The following OTOP1 variants were observed in gnomAD, a reference collection of about 807,000 sequenced individuals.
The protein encoded by OTOP1 is proton channel OTOP1.
Under a neutral mutation model 52.9 loss-of-function variants are expected in OTOP1, and 59 were observed. That is an observed-to-expected ratio of 1.12 (90% CI 0.91 to 1.39). The LOEUF (loss-of-function observed/expected upper bound fraction) is 1.39, where lower values mean the gene tolerates loss of function less well. Among genes scored for constraint, OTOP1 ranks in the 40% most tolerant of loss-of-function variants. The pLI is 0.00. For synonymous variants in OTOP1, 317 were observed against 337.7 expected (o/e 0.94, Z 0.67); for missense variants, 761 against 800.9 (o/e 0.95, Z 0.60).
Position 4,198,093 on chromosome 4 carries a change from G to A in OTOP1, c.741C>T (p.Asp247=), listed in dbSNP as rs764876594. 1 of 1,612,746 alleles carries A rather than the reference G, an allele frequency of 6.2e-7. No individual in the cohort carries two copies. The highest frequency in any genetic ancestry group is 1.1e-5 in the South Asian group (1 of 91,046). ...GFGNITTVLD[D]HTPQCNCTPP... Reference sequence around the variant, plus strand: ...GCGTGCAGTTACACTGCGGTGTGTGGTCATCTAAAACTAGGGGAGACAGGT... The same window carrying A: ...GCGTGCAGTTACACTGCGGTGTGTGATCATCTAAAACTAGGGGAGACAGGT... The change falls in exon 5 of 6, where the codon GAC becomes GAT. Residue 247 remains aspartate (D), a synonymous_variant. Coordinates refer to ENST00000296358, the MANE Select transcript of OTOP1 (RefSeq NM_177998.3).
chr4:4,189,128 A>G (rs546556513), intron 5 of OTOP1, among the ~76,000 whole-genome samples, 155 bp from the exon 6 acceptor site: 1 of 152,238 alleles, frequency 6.6e-6, no homozygotes, highest in Admixed American at 6.5e-5. Flanking sequence ...GGCATTTCCC[A>G]TCTCCACAGA....
chr4:4,197,916 G>A lies in OTOP1; in HGVS notation c.918C>T (p.Phe306=), dbSNP rs761831496. ...VDSHQHQKMQ[F]KSDGVMVGAV... is the part of the protein sequence containing the mutation. ...CGCCCACCATGACCCCATCAGACTT[G>A]AACTGCATCTTCTGGTGCTGATGGC... The change falls in exon 5 of 6, where the codon TTC becomes TTT. Residue 306 remains phenylalanine, a synonymous_variant. Transcript: ENST00000296358. The A allele has an allele frequency of 6.2e-7, 1 of 1,614,108 alleles. No individual in the cohort carries two copies. Among genetic ancestry groups the A allele is most frequent in the East Asian group, 2.2e-5 (1 of 44,878 alleles).
chr4:4,197,469 A>G lies in OTOP1; in HGVS notation c.1365T>C (p.Ser455=). 1 of 1,613,776 alleles carries G rather than the reference A, an allele frequency of 6.2e-7. No homozygotes were observed. The highest frequency in any genetic ancestry group is 8.5e-7 in the Non-Finnish European group (1 of 1,179,940). ...CCACCCGAAGGGTTTGGATGTCCTC[A>G]GAGAGTTTTTCAGGCTCTCGGTGAA... ...ESIHREPEKL[S]EDIQTLRVVT... is the part of the protein sequence containing the mutation. Residue 455 remains serine, a synonymous_variant, in exon 5 of 6, where the codon TCT becomes TCC. Coordinates refer to ENST00000296358, the MANE Select transcript of OTOP1 (RefSeq NM_177998.3).
intron 5 of OTOP1, among the ~76,000 whole-genome samples, chr4:4,193,762 G>A (rs942635031): frequency 1.4e-4 from 21 of 152,190 alleles, no homozygotes; most frequent in African/African-American, 5.1e-4. Flanking sequence ...ACCATCAGTT[G>A]CCACTTGATT....
chr4:4,197,712 T>A lies in OTOP1; in HGVS notation c.1122A>T (p.Ile374=), dbSNP rs1485216632. 6.2e-7 allele frequency: 1 copy of A among 1,613,752 alleles called. No individual in the cohort carries two copies. The highest frequency in any genetic ancestry group is 1.3e-5 in the African/African-American group (1 of 74,820). Residue 374 remains isoleucine, a synonymous_variant, in exon 5 of 6, where the codon ATA becomes ATT. Coordinates refer to ENST00000296358, the MANE Select transcript of OTOP1 (RefSeq NM_177998.3). ...TGGACTCATCCAGTGACTTCTCGTCTATCCTGTAAATCCGGATTCCAGCCA... is the reference window on the plus strand; with the variant it reads ...TGGACTCATCCAGTGACTTCTCGTCAATCCTGTAAATCCGGATTCCAGCCA... ...AGLAGIRIYR[I]DEKSLDESKN...
chr4:4,214,646 G>A (rs1244040996), intron 1 of OTOP1, among the ~76,000 whole-genome samples: 3 of 152,224 alleles, frequency 2.0e-5, no homozygotes, highest in Non-Finnish European at 2.9e-5. Flanking sequence ...TCTGACACAC[G>A]ATACAGTATG....
At chr4:4,199,289 G>C (rs1032896486) in intron 4 of OTOP1, among the ~76,000 whole-genome samples, 7 of 143,740 alleles carry the variant, frequency 4.9e-5, no homozygotes, top group Non-Finnish European at 1.1e-4. Context: ...ACAGCTCAAT[G>C]TCCAACAATT....
intron 4 of OTOP1, 141 bp from the exon 5 acceptor site, chr4:4,198,244 T>C: frequency 1.5e-6 from 1 of 677,054 alleles, no homozygotes; most frequent in Non-Finnish European, 2.5e-6. Flanking sequence ...CATAGCTTAT[T>C]ATCACGTTTA....
chr4:4,222,246 A>C (rs1717319236), intron 1 of OTOP1, among the ~76,000 whole-genome samples: 1 of 152,082 alleles, frequency 6.6e-6, no homozygotes, highest in Non-Finnish European at 1.5e-5. Context: ...GTGCTATGAG[A>C]CCATACAACC....
Position 4,204,325 on chromosome 4 carries a change from C to T in OTOP1, c.599+1747G>A, listed in dbSNP as rs1268063981. On this transcript the variant is annotated intron_variant, in intron 3 of 5. Transcript: ENST00000296358. ...TCATGGCCAGCCTTCCCCGAGGTGC[C>T]TGGGAAGCATTATATAGAGCCTTTG... Among the ~76,000 whole-genome samples the T allele has an allele frequency of 1.1e-4, 16 of 152,296 alleles. No homozygotes were observed. The East Asian group carries it at 2.9e-3, about 28-fold the overall frequency.
chr4:4,220,100 TATA>T (rs1179032679), intron 1 of OTOP1, among the ~76,000 whole-genome samples: 2,106 of 94,596 alleles, frequency 0.022, 112 homozygotes, highest in East Asian at 0.11. Context: ...TATATATATA[TATA>T]TATTTTTTTT....
intron 1 of OTOP1, among the ~76,000 whole-genome samples, chr4:4,223,749 A>C (rs191673121): frequency 4.1e-3 from 624 of 152,060 alleles, no homozygotes; most frequent in Non-Finnish European, 7.0e-3. Context: ...AAAAATACAA[A>C]AATTAGCTGG....
intron 1 of OTOP1, among the ~76,000 whole-genome samples, chr4:4,217,883 A>G (rs115296960): frequency 0.014 from 2,190 of 152,256 alleles, 55 homozygotes; most frequent in African/African-American, 0.05. Context: ...AATTATAGTG[A>G]CCAATCAACT....
chr4:4,197,661 C>G lies in OTOP1; in HGVS notation c.1173G>C (p.Ser391=). ...ESKNPARKLD[S]DLLVGTASGS... ...CCGAGGCAGTGCCCACCAAGAGGTC[C>G]GAGTCCAGTTTGCGGGCCGGATTTT... The change falls in exon 5 of 6, where the codon TCG becomes TCC. Residue 391 remains serine (S), a synonymous_variant. Coordinates refer to ENST00000296358, the MANE Select transcript of OTOP1 (RefSeq NM_177998.3). The G allele has an allele frequency of 6.2e-7, 1 of 1,613,590 alleles. No individual in the cohort carries two copies. Among genetic ancestry groups the G allele is most frequent in the Non-Finnish European group, 8.5e-7 (1 of 1,179,962 alleles).
At chr4:4,198,904 G>A (rs1716712802) in intron 4 of OTOP1, among the ~76,000 whole-genome samples, 1 of 152,168 alleles carries the variant, frequency 6.6e-6, no homozygotes, top group East Asian at 1.9e-4. Context: ...CAAAGAGTCA[G>A]GTAAGGCCAG....
At position 4,226,523 on chromosome 4, in the gene OTOP1, G is replaced by C; in HGVS notation, c.342C>G (p.Ser114Arg). The change falls in exon 1 of 6, where the codon AGC becomes AGG. Residue 114 changes from serine to arginine, a missense_variant. Coordinates refer to ENST00000296358, the MANE Select transcript of OTOP1 (RefSeq NM_177998.3). ...GGCGGAAGAGGCGGCGGTGCGCGGAGCTGCGGCCCACGTACCACAGCATCC... is the reference window on the plus strand; with the variant it reads ...GGCGGAAGAGGCGGCGGTGCGCGGACCTGCGGCCCACGTACCACAGCATCC... ...LLWMLWYVGR[S>R]SAHRRLFRLK... 6.3e-7 allele frequency: 1 copy of C among 1,594,488 alleles called. No individual in the cohort carries two copies. Among genetic ancestry groups the C allele is most frequent in the South Asian group, 1.1e-5 (1 of 89,612 alleles).
intron 1 of OTOP1, among the ~76,000 whole-genome samples, chr4:4,218,730 C>G (rs1044456597): frequency 2.0e-5 from 3 of 152,130 alleles, no homozygotes; most frequent in Non-Finnish European, 4.4e-5. Context: ...GAGTTCGAGA[C>G]CAGCCGGGCC....
chr4:4,197,379 G>A lies in OTOP1; in HGVS notation c.1455C>T (p.Ala485=), dbSNP rs1716663504. 4 of 1,613,910 alleles carry A rather than the reference G, an allele frequency of 2.5e-6. No homozygotes were observed. The highest frequency in any genetic ancestry group is 3.4e-6 in the Non-Finnish European group (4 of 1,180,018). ...ASSCPKSGGV[A]RDVAPQGKDM... ...CCTTGCCCTGGGGAGCCACATCTCT[G>A]GCCACACCTCCACTCTTGGGGCAGG... Residue 485 remains alanine, a synonymous_variant, in exon 5 of 6, where the codon GCC becomes GCT. Transcript: ENST00000296358.
At chr4:4,210,681 A>G (rs996836304) in intron 2 of OTOP1, among the ~76,000 whole-genome samples, 3 of 152,144 alleles carry the variant, frequency 2.0e-5, no homozygotes, top group Non-Finnish European at 4.4e-5. Flanking sequence ...AAATACAAAA[A>G]TTAGCTGGGC....
Sources: gnomAD v4.1 joint callset for allele counts (sites outside exome capture counted in the v4.1 genomes callset) on GRCh38, gnomAD v4.1.1 for gene constraint, MANE v1.5 for transcripts, NCBI Gene and HGNC (gene_info 2026-07-23, HGNC 2026-07-21) for gene names.